Variants in THRAP3 observed in about 807,000 individuals in gnomAD.
THRAP3 encodes thyroid hormone receptor associated protein 3.
In THRAP3, 16 loss-of-function variants were observed where a neutral mutation model predicts 101.0. The observed-to-expected ratio is 0.16, with a 90% CI of 0.11 to 0.24. The LOEUF (loss-of-function observed/expected upper bound fraction) is 0.24. Ranked by LOEUF, THRAP3 falls within the 10% of genes least tolerant of loss-of-function variation. THRAP3 has a pLI of 1.00. For missense variants in THRAP3, 989 were observed against 1,202.7 expected (o/e 0.82, Z 2.63); for synonymous variants, 407 against 422.6 (o/e 0.96, Z 0.45).
At chr1:36,293,139 A>C (rs1645899766) in intron 7 of THRAP3, among the ~76,000 whole-genome samples, 1 of 145,434 alleles carries the variant, frequency 6.9e-6, no homozygotes, top group Non-Finnish European at 1.5e-5. Flanking sequence ...AGCAATTCTC[A>C]TGCCTTAGCC....
chr1:36,261,426 G>A (rs1406581914), intron 2 of THRAP3, among the ~76,000 whole-genome samples: 2 of 152,018 alleles, frequency 1.3e-5, no homozygotes, highest in Non-Finnish European at 2.9e-5. Context: ...CCAGCTACTC[G>A]GGAGACTGAG....
At chr1:36,300,818 A>C (rs906622660) in intron 9 of THRAP3, 68 bp from the exon 10 acceptor site, 4 of 1,523,866 alleles carry the variant, frequency 2.6e-6, no homozygotes, top group Non-Finnish European at 3.6e-6. Context: ...GTGCTTATCC[A>C]TGAGGCCCCA....
chr1:36,249,685 AGTGTGTGTGTGT>A (rs66759336), intron 1 of THRAP3, among the ~76,000 whole-genome samples: 2 of 138,112 alleles, frequency 1.4e-5, no homozygotes, highest in Non-Finnish European at 3.1e-5. Context: ...GCAGGTGGTG[AGTGTGTGTGTGT>A]GTGTGTGTGT....
chr1:36,233,513 C>CAA (rs750938761), intron 1 of THRAP3, among the ~76,000 whole-genome samples: 3 of 121,628 alleles, frequency 2.5e-5, no homozygotes, highest in Non-Finnish European at 3.5e-5. Flanking sequence ...GACTCCATCT[C>CAA]AAAAAAAAAA....
In THRAP3 at chr1:36,301,576, C is replaced by G; in HGVS notation, c.2526C>G (p.Gly842=). The G allele has an allele frequency of 6.2e-7, 1 of 1,613,980 alleles. No individual in the cohort carries two copies. The highest frequency in any genetic ancestry group is 2.2e-5 in the East Asian group (1 of 44,890). The change falls in exon 11 of 12, where the codon GGC becomes GGG. Residue 842 remains glycine (G), a synonymous_variant. Coordinates refer to ENST00000354618, the MANE Select transcript of THRAP3 (RefSeq NM_005119.4). ...AGCAGTTTCGAGCCAGAGGAAGAGG[C>G]TGGGGCAGAGGCAACTACTCTGGGA... is the stretch of plus-strand genomic sequence containing the variant. ...GTFQFRARGR[G]WGRGNYSGNN... is the part of the protein sequence containing the mutation.
chr1:36,289,584 G>A lies in THRAP3; in HGVS notation c.1565G>A (p.Arg522Gln), dbSNP rs868683501. Residue 522 changes from arginine to glutamine, a missense_variant, in exon 5 of 12, where the codon CGA becomes CAA. By Grantham distance (43) the Arg-to-Gln change is conservative (BLOSUM62 1). Transcript: ENST00000354618. ...GGCTTTGTGCCTGAGAAGAATTTCC[G>A]AGTGACTGCTTATAAAGCAGTCCAG... Reference protein sequence around the residue: ...HRGFVPEKNFRVTAYKAVQEK... With the variant: ...HRGFVPEKNFQVTAYKAVQEK... The A allele has an allele frequency of 3.1e-6, 5 of 1,613,946 alleles. No homozygotes were observed. The highest frequency in any genetic ancestry group is 2.7e-5 in the African/African-American group (2 of 74,892).
chr1:36,300,563 T>C (rs1448315665), intron 9 of THRAP3, among the ~76,000 whole-genome samples: 1 of 152,224 alleles, frequency 6.6e-6, no homozygotes, highest in African/African-American at 2.4e-5. Flanking sequence ...ATAGTGTTAA[T>C]TTCCTTCTCC....
chr1:36,289,951 G>T (rs1400449738), intron 5 of THRAP3, among the ~76,000 whole-genome samples, 187 bp downstream of exon 5: 2 of 152,278 alleles, frequency 1.3e-5, no homozygotes, highest in Middle Eastern at 3.4e-3. Flanking sequence ...TTGAAGGGGG[G>T]CAGTATCCCT....
chr1:36,301,185 A>G (rs140910652), intron 10 of THRAP3, 101 bp downstream of exon 10: 3 of 1,197,048 alleles, frequency 2.5e-6, no homozygotes, highest in South Asian at 1.5e-5. Context: ...GACATAAGTA[A>G]TCCAATCCAA....
intron 5 of THRAP3, 41 bp from the exon 6 acceptor site, chr1:36,291,333 G>C: frequency 6.3e-7 from 1 of 1,588,918 alleles, no homozygotes; most frequent in Non-Finnish European, 8.6e-7. Flanking sequence ...TTCTTCCTGT[G>C]TATTGTGTTC....
chr1:36,276,227 A>AG (rs1192660055), intron 2 of THRAP3, among the ~76,000 whole-genome samples: 8 of 151,794 alleles, frequency 5.3e-5, no homozygotes, highest in African/African-American at 1.9e-4. Flanking sequence ...TAAAAAAAAA[A>AG]AAAAAATGTG....
At chr1:36,290,432 G>A (rs557316145) in intron 5 of THRAP3, among the ~76,000 whole-genome samples, 9 of 151,448 alleles carry the variant, frequency 5.9e-5, no homozygotes, top group African/African-American at 1.5e-4. Context: ...CTCGTGATCC[G>A]CCCACCTTGG....
chr1:36,263,934 C>T (rs757506529), intron 2 of THRAP3, among the ~76,000 whole-genome samples: 52 of 152,332 alleles, frequency 3.4e-4, no homozygotes, highest in Non-Finnish European at 5.6e-4. Context: ...CTTGATAATA[C>T]GACCTTTCCT....
At chr1:36,265,019 T>C (rs901029204) in intron 2 of THRAP3, among the ~76,000 whole-genome samples, 2 of 152,156 alleles carry the variant, frequency 1.3e-5, no homozygotes, top group Non-Finnish European at 2.9e-5. Flanking sequence ...TTCCCCTTTT[T>C]ATAAGCATCG....
rs1160026977 is a variant in THRAP3, at chr1:36,236,224, GA to G, written c.-135+11734del. The stretch of plus-strand genomic sequence containing the variant: ...GACACAGCGAGACTCAGTCTCAAAA[GA>G]AAAAAAAAAAAAAACCTTCATGACA... On this transcript the variant is annotated intron_variant, in intron 1 of 11. Coordinates refer to ENST00000354618, the MANE Select transcript of THRAP3 (RefSeq NM_005119.4). Among the ~76,000 whole-genome samples the G allele has an allele frequency of 4.9e-3, 533 of 108,624 alleles. 2 individuals carry two copies. The highest frequency in any genetic ancestry group is 9.3e-3 in the African/African-American group (269 of 28,930). The allele number at this position is 108,624 out of a possible 152,430, so 71.3% of individuals were successfully genotyped here.
chr1:36,233,596 CAAAAT>C (rs199832379), intron 1 of THRAP3, among the ~76,000 whole-genome samples: 3,607 of 150,718 alleles, frequency 0.024, 144 homozygotes, highest in African/African-American at 0.082. Flanking sequence ...CCCACCTCTA[CAAAAT>C]AAAATAAAAT....
chr1:36,210,155 A>G, the THRAP3 span, among the ~76,000 whole-genome samples: 2 of 150,554 alleles, frequency 1.3e-5, no homozygotes, highest in African/African-American at 2.4e-5. Flanking sequence ...TCACAAGGTC[A>G]GAAGATCGAG....
the THRAP3 span, among the ~76,000 whole-genome samples, chr1:36,217,750 A>T: frequency 6.6e-6 from 1 of 152,292 alleles, no homozygotes; most frequent in East Asian, 1.9e-4. Context: ...ATTGTTTGGC[A>T]GTGCCACATA....
chr1:36,237,956 G>A (rs1420963152), intron 1 of THRAP3, among the ~76,000 whole-genome samples: 1 of 152,010 alleles, frequency 6.6e-6, no homozygotes, highest in African/African-American at 2.4e-5. Context: ...TGAGTAACTG[G>A]GACTGCAGGT....
Sources: gnomAD v4.1 joint callset for allele counts (sites outside exome capture counted in the v4.1 genomes callset) on GRCh38, gnomAD v4.1.1 for gene constraint, MANE v1.5 for transcripts, NCBI Gene and HGNC (gene_info 2026-07-23, HGNC 2026-07-21) for gene names.